RAPGEF4: variants seen among roughly 807,000 people sequenced by gnomAD.
RAPGEF4 encodes the protein RAP guanine-nucleotide-exchange factor (GEF) 4.
RAPGEF4 carries 66 observed loss-of-function variants against 147.9 expected under a neutral mutation model. The ratio of observed to expected loss-of-function variants is 0.45; its 90% confidence interval spans 0.37 to 0.55. The LOEUF is 0.55. Ranked by LOEUF, RAPGEF4 falls within the 20% of genes least tolerant of loss-of-function variation. The pLI is 0.00. For missense variants in RAPGEF4, 1,071 were observed against 1,257.3 expected (o/e 0.85, Z 2.24); for synonymous variants, 419 against 442.7 (o/e 0.95, Z 0.67).
chr2:172,859,373 A>G (rs761571780), intron 4 of RAPGEF4, among the ~76,000 whole-genome samples: 1 of 152,238 alleles, frequency 6.6e-6, no homozygotes, highest in Non-Finnish European at 1.5e-5. Flanking sequence ...GTACTCTGAT[A>G]TATTTCCTCT....
chr2:173,050,757 C>CAA (rs34661805), intron 30 of RAPGEF4, among the ~76,000 whole-genome samples: 1,881 of 120,008 alleles, frequency 0.016, 41 homozygotes, highest in East Asian at 0.024. Flanking sequence ...CATTTCTTAA[C>CAA]AAAAAAAAAA....
chr2:173,046,965 T>C (rs1685546766), intron 29 of RAPGEF4, among the ~76,000 whole-genome samples: 1 of 152,234 alleles, frequency 6.6e-6, no homozygotes, highest in African/African-American at 2.4e-5. Flanking sequence ...CAAAGTCATT[T>C]TCTTATACTT....
At chr2:172,980,388 G>A (rs1165140228) in intron 10 of RAPGEF4, among the ~76,000 whole-genome samples, 1 of 152,210 alleles carries the variant, frequency 6.6e-6, no homozygotes, top group Non-Finnish European at 1.5e-5. Flanking sequence ...TCATTATCTA[G>A]ATGGAAGTTG....
chr2:172,841,182 C>G (rs1313726389), intron 4 of RAPGEF4, among the ~76,000 whole-genome samples: 1 of 152,122 alleles, frequency 6.6e-6, no homozygotes, highest in East Asian at 1.9e-4. Flanking sequence ...GGGGGCAGAT[C>G]CCTCATGAAT....
chr2:173,046,799 T>C (rs938874991), intron 29 of RAPGEF4, among the ~76,000 whole-genome samples: 1 of 152,244 alleles, frequency 6.6e-6, no homozygotes, highest in Non-Finnish European at 1.5e-5. Context: ...ATTGCCTCTT[T>C]GTGTGCGAAA....
intron 4 of RAPGEF4, among the ~76,000 whole-genome samples, chr2:172,906,474 T>C (rs910388667): frequency 1.3e-5 from 2 of 152,216 alleles, no homozygotes; most frequent in African/African-American, 2.4e-5. Context: ...CTGGTGCTGA[T>C]TATCCCAGCC....
At chr2:172,865,251 C>T (rs1454095897) in intron 4 of RAPGEF4, among the ~76,000 whole-genome samples, 1 of 152,192 alleles carries the variant, frequency 6.6e-6, no homozygotes, top group South Asian at 2.1e-4. Flanking sequence ...AAGATTTCTA[C>T]TCTCCTCAAA....
At chr2:172,881,235 C>CT (rs1173814978) in intron 4 of RAPGEF4, among the ~76,000 whole-genome samples, 1 of 152,146 alleles carries the variant, frequency 6.6e-6, no homozygotes, top group Non-Finnish European at 1.5e-5. Context: ...GCTTTTAGTA[C>CT]TTTCTTTGAC....
intron 3 of RAPGEF4, among the ~76,000 whole-genome samples, chr2:172,803,830 A>G (rs1184707576): frequency 6.6e-6 from 1 of 152,156 alleles, no homozygotes. Context: ...ACCCTAAATC[A>G]TCTCTCTCAA....
At chr2:173,021,445 G>A (rs982589701) in intron 23 of RAPGEF4, among the ~76,000 whole-genome samples, 3 of 152,102 alleles carry the variant, frequency 2.0e-5, no homozygotes, top group Non-Finnish European at 1.5e-5. Flanking sequence ...GCACAAGACC[G>A]AGCGTGGTGG....
intron 4 of RAPGEF4, among the ~76,000 whole-genome samples, chr2:172,905,626 C>G (rs1425170771): frequency 2.6e-5 from 4 of 152,328 alleles, no homozygotes; most frequent in East Asian, 1.9e-4. Flanking sequence ...GGGCTTTAGT[C>G]AGGGGCTCTT....
intron 4 of RAPGEF4, among the ~76,000 whole-genome samples, chr2:172,863,370 T>C (rs1694244804): frequency 6.6e-6 from 1 of 152,174 alleles, no homozygotes; most frequent in Non-Finnish European, 1.5e-5. Flanking sequence ...TTCAAAGGAA[T>C]TGCTTAAAAT....
intron 4 of RAPGEF4, among the ~76,000 whole-genome samples, chr2:172,883,353 A>ATGAG (rs1696830777): frequency 6.6e-6 from 1 of 152,038 alleles, no homozygotes; most frequent in Non-Finnish European, 1.5e-5. Flanking sequence ...TCCAACTCAC[A>ATGAG]GCCTCAAGCT....
intron 15 of RAPGEF4, among the ~76,000 whole-genome samples, chr2:172,995,571 C>T (rs143626137): frequency 1.1e-4 from 16 of 152,056 alleles, no homozygotes; most frequent in Admixed American, 2.0e-4. Context: ...TGAGCCACTG[C>T]GCCTGGCCCC....
chr2:172,869,235 A>G (rs1333806404), intron 4 of RAPGEF4, among the ~76,000 whole-genome samples: 3 of 152,196 alleles, frequency 2.0e-5, no homozygotes, highest in Non-Finnish European at 2.9e-5. Flanking sequence ...TTCATAAACA[A>G]TCCAGCTCTA....
intron 4 of RAPGEF4, 142 bp from the exon 5 acceptor site, chr2:172,917,660 C>T (rs1459463091): frequency 9.6e-6 from 7 of 728,966 alleles, no homozygotes; most frequent in Non-Finnish European, 1.7e-5. Flanking sequence ...CCAGAGACCC[C>T]GGAGAACACG....
At chr2:173,006,809 A>G (rs1694524182) in intron 17 of RAPGEF4, among the ~76,000 whole-genome samples, 2 of 152,234 alleles carry the variant, frequency 1.3e-5, no homozygotes, top group Admixed American at 1.3e-4. Flanking sequence ...TTAGATTTCT[A>G]AGAAAAACTT....
At position 172,793,211 on chromosome 2, in the gene RAPGEF4, T is replaced by A. The variant is rs1389531511; in HGVS notation, c.66-1814T>A. 4.6e-5 allele frequency among the ~76,000 whole-genome samples: 7 copies of A among 152,332 alleles called. No individual in the cohort carries two copies. In the South Asian group the frequency reaches 1.0e-3, roughly 23 times the overall value. ...CTCTGTCCAAATTCCCCTCTTTTTTTAAGGGTGCTAGTTATTAGATTAGGG... is the reference window on the plus strand; with the variant it reads ...CTCTGTCCAAATTCCCCTCTTTTTTAAAGGGTGCTAGTTATTAGATTAGGG... On this transcript the variant is annotated intron_variant, in intron 1 of 30. Transcript: ENST00000397081.
At chr2:172,980,127 C>T (rs1691522927) in intron 10 of RAPGEF4, among the ~76,000 whole-genome samples, 1 of 152,018 alleles carries the variant, frequency 6.6e-6, no homozygotes, top group Non-Finnish European at 1.5e-5. Flanking sequence ...TTAGTGTGTT[C>T]GAGGAATGGA....
Sources: gnomAD v4.1 joint callset for allele counts (sites outside exome capture counted in the v4.1 genomes callset) on GRCh38, gnomAD v4.1.1 for gene constraint, MANE v1.5 for transcripts, NCBI Gene and HGNC (gene_info 2026-07-23, HGNC 2026-07-21) for gene names.